The following ADGRA1 variants were observed in gnomAD, a reference collection of about 807,000 sequenced individuals.
The protein encoded by ADGRA1 is G-protein coupled receptor 123.
In ADGRA1, 12 loss-of-function variants were observed where a neutral mutation model predicts 21.3. The ratio of observed to expected loss-of-function variants is 0.56; its 90% CI spans 0.36 to 0.91. The LOEUF (loss-of-function observed/expected upper bound fraction) is 0.91. ADGRA1 is among the 40% of genes least tolerant of loss of function. The pLI is 0.01. For missense variants in ADGRA1, 790 were observed against 805.6 expected (o/e 0.98, Z 0.23); for synonymous variants, 385 against 368.8 (o/e 1.04, Z -0.50).
At chr10:133,124,207 C>T (rs953880534) in intron 5 of ADGRA1, among the ~76,000 whole-genome samples, 5 of 148,740 alleles carry the variant, frequency 3.4e-5, no homozygotes, top group East Asian at 3.9e-4. Flanking sequence ...GCACCCTCCC[C>T]GGCTCTGCAA....
At chr10:133,096,429 GCCT>G (rs1312148707) in intron 2 of ADGRA1, among the ~76,000 whole-genome samples, 1 of 152,204 alleles carries the variant, frequency 6.6e-6, no homozygotes, top group African/African-American at 2.4e-5. Flanking sequence ...GGAGTTTGCG[GCCT>G]CCGGTCCAGG....
intron 5 of ADGRA1, among the ~76,000 whole-genome samples, chr10:133,123,849 G>A (rs377597575): frequency 8.5e-5 from 13 of 152,192 alleles, no homozygotes; most frequent in East Asian, 3.9e-4. Context: ...AGAGGACGCC[G>A]GTGATGTCAG....
At chr10:133,114,994 C>T (rs1852130080) in intron 5 of ADGRA1, among the ~76,000 whole-genome samples, 1 of 152,234 alleles carries the variant, frequency 6.6e-6, no homozygotes, top group African/African-American at 2.4e-5. Context: ...TCGAAGGCCC[C>T]CAGGGGCCGC....
At chr10:133,121,441 G>A (rs1452411829) in intron 5 of ADGRA1, among the ~76,000 whole-genome samples, 1 of 151,580 alleles carries the variant, frequency 6.6e-6, no homozygotes, top group Admixed American at 6.6e-5. Flanking sequence ...GTGTGCGTGT[G>A]TGCGTGTGCG....
intron 2 of ADGRA1, among the ~76,000 whole-genome samples, chr10:133,094,898 G>A (rs1360476597): frequency 6.6e-6 from 1 of 152,182 alleles, no homozygotes; most frequent in Non-Finnish European, 1.5e-5. Flanking sequence ...TAACTCACTG[G>A]ATAACCTGAT....
At chr10:133,116,249 C>T (rs1030096352) in intron 5 of ADGRA1, among the ~76,000 whole-genome samples, 9 of 152,178 alleles carry the variant, frequency 5.9e-5, no homozygotes, top group African/African-American at 9.7e-5. Flanking sequence ...TCCTGGGAAC[C>T]GAGCTGATCC....
At chr10:133,112,700 C>CGGTT (rs1852072039) in intron 5 of ADGRA1, among the ~76,000 whole-genome samples, 5 of 143,310 alleles carry the variant, frequency 3.5e-5, no homozygotes, top group Non-Finnish European at 6.1e-5. Context: ...CGGGCCACGT[C>CGGTT]AGTTATTTGG....
intron 5 of ADGRA1, among the ~76,000 whole-genome samples, chr10:133,114,910 C>T (rs996985481): frequency 6.6e-6 from 1 of 152,232 alleles, no homozygotes; most frequent in Admixed American, 6.5e-5. Context: ...GCTCCTTCTG[C>T]TCCCTGGGCA....
intron 1 of ADGRA1, 163 bp from the exon 2 acceptor site, chr10:133,088,545 C>A: frequency 6.8e-6 from 2 of 296,078 alleles, no homozygotes; most frequent in Non-Finnish European, 1.2e-5. Context: ...CCCCACCGGT[C>A]CCCACCGGCA....
Position 133,112,716 on chromosome 10 carries a change from G to A in ADGRA1, c.401+9874G>A, listed in dbSNP as rs375357332. ...GGGCCACGTCAGTTATTTGGGGTCT[G>A]CGGGCCGCGTCGGTTATTTGAGGTC... is the stretch of plus-strand genomic sequence containing the variant. On this transcript the variant is annotated intron_variant, in intron 5 of 6. Coordinates refer to ENST00000392607, the MANE Select transcript of ADGRA1 (RefSeq NM_001083909.3). Among the ~76,000 whole-genome samples, 20 of 146,704 alleles carry A rather than the reference G, an allele frequency of 1.4e-4. No individual in the cohort carries two copies. In the South Asian group the frequency reaches 2.3e-3, roughly 17 times the overall value.
In ADGRA1 at chr10:133,089,717, C is replaced by A. The variant is rs895512266; in HGVS notation, c.3+805C>A. Among the ~76,000 whole-genome samples, 10 of 152,374 alleles carry A rather than the reference C, an allele frequency of 6.6e-5. 1 individual carries two copies. Among genetic ancestry groups the A allele is most frequent in the African/African-American group, 2.4e-4 (10 of 41,592 alleles). The stretch of plus-strand genomic sequence containing the variant: ...GACCCAGTGTTCGCTGCATAAGGAG[C>A]CATCGGTCTGAGTCACTTGCTCATT... On this transcript the variant is annotated intron_variant, in intron 2 of 6. Transcript: ENST00000392607.
At chr10:133,112,995 TATAA>T (rs1315756744) in intron 5 of ADGRA1, among the ~76,000 whole-genome samples, 6 of 148,602 alleles carry the variant, frequency 4.0e-5, no homozygotes, top group Admixed American at 6.7e-5. Flanking sequence ...ATTTGGGGTC[TATAA>T]GCTGTGTCAG....
chr10:133,128,849 G>C lies in ADGRA1; in HGVS notation c.1021G>C (p.Ala341Pro). The change falls in exon 7 of 7, where the codon GCC (alanine) becomes CCC (proline). Residue 341 changes from alanine (A) to proline (P), a missense_variant. Physicochemically the swap from Ala to Pro is conservative, Grantham distance 27. Around this residue, in one of 3 missense-constraint regions of ADGRA1, gnomAD observed 391 missense variants for 351.5 expected, o/e 1.11. Coordinates refer to ENST00000392607, the MANE Select transcript of ADGRA1 (RefSeq NM_001083909.3). ...CGCCAACGGGGCCGCGCTGGGCCGCGCCGCCTGCCTGCACTCGCCGGGACT... is the reference window on the plus strand; with the variant it reads ...CGCCAACGGGGCCGCGCTGGGCCGCCCCGCCTGCCTGCACTCGCCGGGACT... ...LDANGAALGR[A>P]ACLHSPGLGQ... 1 of 1,585,912 alleles carries C rather than the reference G, an allele frequency of 6.3e-7. No individual in the cohort carries two copies. The highest frequency in any genetic ancestry group is 1.3e-5 in the African/African-American group (1 of 74,280).
chr10:133,095,687 C>A (rs1161626546), intron 2 of ADGRA1: 1 of 1,597,502 alleles, frequency 6.3e-7, no homozygotes, highest in Non-Finnish European at 8.5e-7. Context: ...CTCTAGCCAG[C>A]CAGGGCCTCG....
In ADGRA1 at chr10:133,124,834, G is replaced by C. The variant is rs1364776736; in HGVS notation, c.402-2399G>C. On this transcript the variant is annotated intron_variant, in intron 5 of 6. Coordinates refer to ENST00000392607, the MANE Select transcript of ADGRA1 (RefSeq NM_001083909.3). ...ACCCAGCGGAGCACCCCCTTCCCCC[G>C]GCCCCGGCCCCGGCCCCGGCCCCGC... Among the ~76,000 whole-genome samples, 4 of 98,902 alleles carry C rather than the reference G, an allele frequency of 4.0e-5. No individual in the cohort carries two copies. The Admixed American group carries it at 5.0e-4, about 12-fold the overall frequency. 64.9% of individuals were successfully genotyped at this position (98,902 alleles called of 152,430 possible). A position where few individuals can be genotyped will look rare whatever the true frequency, so the allele number is the denominator to read the frequency against.
Position 133,098,778 on chromosome 10 carries a change from G to A in ADGRA1, c.255+15G>A, listed in dbSNP as rs767332120. On this transcript the variant is annotated intron_variant, in intron 4 of 6. Transcript: ENST00000392607. Reference sequence around the variant, plus strand: ...TGTGCCAGGCGGTGAGTGCCGGGGCGCCCTCGTTGGCTCCTCCCAGAGGGG... The same window carrying A: ...TGTGCCAGGCGGTGAGTGCCGGGGCACCCTCGTTGGCTCCTCCCAGAGGGG... The A allele has an allele frequency of 1.6e-5, 26 of 1,605,518 alleles. No homozygotes were observed. Among genetic ancestry groups the A allele is most frequent in the Middle Eastern group, 1.7e-4 (1 of 6,030 alleles).
intron 2 of ADGRA1, among the ~76,000 whole-genome samples, chr10:133,093,987 C>G (rs1159808112): frequency 6.6e-6 from 1 of 152,272 alleles, no homozygotes; most frequent in Non-Finnish European, 1.5e-5. Flanking sequence ...GAAACCAAAC[C>G]AAATCACACA....
chr10:133,115,697 C>A (rs1369312774), intron 5 of ADGRA1, among the ~76,000 whole-genome samples: 1 of 152,188 alleles, frequency 6.6e-6, no homozygotes, highest in Non-Finnish European at 1.5e-5. Flanking sequence ...CGTTGTCACC[C>A]CTCCCGGGCC....
intron 1 of ADGRA1, 82 bp downstream of exon 1, chr10:133,088,220 C>A: frequency 3.1e-6 from 2 of 648,800 alleles, no homozygotes; most frequent in African/African-American, 2.0e-5. Context: ...CCCGAGGTGA[C>A]ACTGGCCGCG....
Sources: gnomAD v4.1 joint callset for allele counts (sites outside exome capture counted in the v4.1 genomes callset) on GRCh38, gnomAD v4.1.1 for gene constraint, gnomAD v4.1.1 regional missense constraint, MANE v1.5 for transcripts, NCBI Gene and HGNC (gene_info 2026-07-23, HGNC 2026-07-21) for gene names.